C2orf42: variants seen among roughly 807,000 people sequenced by gnomAD.
The protein encoded by C2orf42 is chromosome 2 open reading frame 42, also known as uncharacterized protein C2orf42.
A neutral mutation model predicts 58.9 loss-of-function variants in C2orf42; 44 were observed. The ratio of observed to expected loss-of-function variants is 0.75; its 90% CI spans 0.59 to 0.96. The LOEUF (loss-of-function observed/expected upper bound fraction) is 0.96, where lower values mean the gene tolerates loss of function less well. C2orf42 is among the 40% of genes least tolerant of loss of function. The probability of loss-of-function intolerance (pLI) is 0.00; values close to 1 mark genes in which losing one functional copy is unlikely to be tolerated. For missense variants in C2orf42, 630 were observed against 699.2 expected (o/e 0.90, Z 1.12); for synonymous variants, 239 against 265.4 (o/e 0.90, Z 0.97).
chr2:70,156,066 A>G (rs1008544329), intron 9 of C2orf42, among the ~76,000 whole-genome samples: 2 of 151,702 alleles, frequency 1.3e-5, no homozygotes, highest in Non-Finnish European at 2.9e-5. Context: ...GAGGCAGAAC[A>G]ATCTCTTGAA....
At chr2:70,178,842 T>C (rs190570005) in intron 4 of C2orf42, among the ~76,000 whole-genome samples, 19 of 151,458 alleles carry the variant, frequency 1.3e-4, no homozygotes, top group Admixed American at 5.9e-4. Flanking sequence ...TGAGAATTGC[T>C]TGAACCCGGG....
intron 5 of C2orf42, 103 bp from the exon 6 acceptor site, chr2:70,169,764 AT>A (rs1558668915): frequency 4.7e-6 from 3 of 644,606 alleles, no homozygotes; most frequent in Non-Finnish European, 5.5e-6. Flanking sequence ...TTTTATTTTT[AT>A]TTTATTTTTT....
rs6722591 is a variant in C2orf42 at position 70,160,822 on chromosome 2, G to C, written c.1354-35C>G. On this transcript the variant is annotated intron_variant, in intron 8 of 9. Transcript: ENST00000264434. ...AAGACAATACCAAAAAAAGGTGAGA[G>C]AGAAAACTTTCAAAACAGACCAATA... 1.1e-3 allele frequency: 1,658 copies of C among 1,494,546 alleles called. 8 individuals are homozygous for C. In the African/African-American group the frequency reaches 0.021, roughly 19 times the overall value. 92.6% of individuals were successfully genotyped at this position (1,494,546 alleles called of 1,614,324 possible). A position where few individuals can be genotyped will look rare whatever the true frequency, so the allele number is the denominator to read the frequency against.
chr2:70,171,564 G>A (rs999093098), intron 5 of C2orf42, among the ~76,000 whole-genome samples: 1 of 152,022 alleles, frequency 6.6e-6, no homozygotes, highest in African/African-American at 2.4e-5. Context: ...AGGCTAGAGT[G>A]CAGTGGCATG....
intron 9 of C2orf42, among the ~76,000 whole-genome samples, chr2:70,156,173 G>A (rs1038957020): frequency 6.6e-6 from 1 of 151,934 alleles, no homozygotes; most frequent in Middle Eastern, 3.2e-3. Context: ...AAAGAATATG[G>A]TATCACCTTC....
rs908569898 is a variant in C2orf42 at position 70,150,060 on chromosome 2, C to T, written c.*296G>A. The T allele has an allele frequency of 4.4e-5, 18 of 407,924 alleles. No individual in the cohort carries two copies. Among genetic ancestry groups the T allele is most frequent in the African/African-American group, 1.0e-4 (5 of 49,354 alleles). 25.3% of individuals were successfully genotyped at this position (407,924 alleles called of 1,614,324 possible). ...AGAATTAGCAAAAGGTTGAAATAAA[C>T]GCTAAAGATGAGTCCGTAAGAAGGA... On this transcript the variant is annotated 3_prime_UTR_variant, in exon 10 of 10. Transcript: ENST00000264434.
At chr2:70,166,807 C>T (rs981324711) in intron 6 of C2orf42, among the ~76,000 whole-genome samples, 2 of 152,112 alleles carry the variant, frequency 1.3e-5, no homozygotes, top group African/African-American at 4.8e-5. Flanking sequence ...AAAGGGTATG[C>T]GAAGTAAGAT....
At chr2:70,175,858 C>T in intron 4 of C2orf42, 81 bp from the exon 5 acceptor site, 4 of 880,838 alleles carry the variant, frequency 4.5e-6, no homozygotes, top group Admixed American at 1.8e-5. Context: ...GAGTCTAAAA[C>T]ATATAAACAG....
At chr2:70,190,127 A>G (rs549098115) in intron 1 of C2orf42, 4 of 152,234 alleles carry the variant, frequency 2.6e-5, no homozygotes, top group Non-Finnish European at 5.9e-5. Context: ...TAGAGACTCT[A>G]TATCGAAAGC....
chr2:70,183,035 C>T (rs1674679580), intron 1 of C2orf42, 100 bp from the exon 2 acceptor site: 1 of 152,174 alleles, frequency 6.6e-6, no homozygotes, highest in Admixed American at 6.5e-5. Context: ...TTCACAATTA[C>T]TTGAGAAATA....
chr2:70,158,045 A>G (rs1437129397), intron 9 of C2orf42, among the ~76,000 whole-genome samples: 2 of 151,802 alleles, frequency 1.3e-5, no homozygotes, highest in African/African-American at 2.4e-5. Context: ...CTAAATATAC[A>G]AAAATTAGCT....
chr2:70,153,037 A>G (rs943928593), intron 9 of C2orf42, among the ~76,000 whole-genome samples: 98 of 152,072 alleles, frequency 6.4e-4, no homozygotes, highest in African/African-American at 2.1e-3. Flanking sequence ...CATCTCAAAA[A>G]AAAAAAAAAA....
At chr2:70,171,436 G>A (rs1673813590) in intron 5 of C2orf42, among the ~76,000 whole-genome samples, 1 of 152,138 alleles carries the variant, frequency 6.6e-6, no homozygotes, top group Non-Finnish European at 1.5e-5. Flanking sequence ...ACTGAGTGAT[G>A]CACGCACTGT....
intron 4 of C2orf42, among the ~76,000 whole-genome samples, chr2:70,176,993 C>T (rs971454478): frequency 7.9e-5 from 12 of 152,120 alleles, no homozygotes; most frequent in Admixed American, 2.6e-4. Context: ...GAAGTGGGGC[C>T]GGGCATGGTG....
intron 2 of C2orf42, 64 bp from the exon 3 acceptor site, chr2:70,182,061 T>C: frequency 1.3e-6 from 1 of 753,092 alleles, no homozygotes; most frequent in East Asian, 2.6e-5. Flanking sequence ...TAAAATCACT[T>C]ATGATATTTA....
chr2:70,181,593 GT>G lies in C2orf42; in HGVS notation c.392del (p.Asn131ThrfsTer10). On this transcript the variant is annotated frameshift_variant, in exon 3 of 10. Coordinates refer to ENST00000264434, the MANE Select transcript of C2orf42 (RefSeq NM_017880.3). LOFTEE classifies it high-confidence loss of function. ...CCGCCAGCTTGATGTGCTGGCACTGGTTTTCCACAACGCCTTGAGTGGCAGC... is the reference window on the plus strand; with the variant it reads ...CCGCCAGCTTGATGTGCTGGCACTGGTTTCCACAACGCCTTGAGTGGCAGC... ...LKAATQGVVE[N>X]QCQHIKLAVN... 6.2e-7 allele frequency: 1 copy of G among 1,614,108 alleles called. No individual in the cohort carries two copies. Among genetic ancestry groups the G allele is most frequent in the Non-Finnish European group, 8.5e-7 (1 of 1,180,020 alleles).
chr2:70,169,242 C>T (rs1225220678), intron 6 of C2orf42, among the ~76,000 whole-genome samples: 1 of 132,122 alleles, frequency 7.6e-6, no homozygotes, highest in African/African-American at 3.3e-5. Context: ...TCAGTATCTC[C>T]CTCACCACAC....
intron 6 of C2orf42, among the ~76,000 whole-genome samples, chr2:70,166,518 A>AT (rs1376084603): frequency 6.6e-6 from 1 of 150,780 alleles, no homozygotes; most frequent in Non-Finnish European, 1.5e-5. Flanking sequence ...AAAAAAAAAA[A>AT]AAAAAAAATT....
intron 4 of C2orf42, among the ~76,000 whole-genome samples, chr2:70,176,167 TA>T (rs1674178372): frequency 6.6e-6 from 1 of 152,212 alleles, no homozygotes; most frequent in South Asian, 2.1e-4. Flanking sequence ...AAATTTCAGA[TA>T]AACAACAAAT....
Sources: allele counts gnomAD v4.1 joint callset (sites outside exome capture counted in the v4.1 genomes callset), GRCh38; gene constraint gnomAD v4.1.1; transcripts MANE v1.5; gene names NCBI Gene and HGNC (gene_info 2026-07-23, HGNC 2026-07-21).